The following EYS variants were observed in gnomAD, a reference collection of about 807,000 sequenced individuals.
EYS encodes the protein EGF-like photoreceptor maintenance factor, also known as protein eyes shut homolog.
A neutral mutation model predicts 282.1 loss-of-function variants in EYS; 250 were observed. The ratio of observed to expected loss-of-function variants is 0.89; its 90% CI spans 0.80 to 0.98. EYS has a LOEUF of 0.98. EYS is among the 50% of genes least tolerant of loss of function. EYS has a pLI of 0.00. For synonymous variants in EYS, 1,355 were observed against 1,282.9 expected (o/e 1.06, Z -1.20); for missense variants, 4,016 against 3,709.0 (o/e 1.08, Z -2.15).
chr6:64,537,348 T>G lies in EYS; in HGVS notation c.5644+52875A>C, dbSNP rs199742021. ...CAAAGGACATGAACTCATCATTTTT[T>G]ATGGCTGCATAGTATTCCATGGTGT... On this transcript the variant is annotated intron_variant, in intron 26 of 42. Coordinates refer to ENST00000503581, the MANE Select transcript of EYS (RefSeq NM_001142800.2). Among the ~76,000 whole-genome samples the G allele has an allele frequency of 1.4e-4, 22 of 151,892 alleles. No individual in the cohort carries two copies. The East Asian group carries it at 3.3e-3, about 23-fold the overall frequency.
intron 12 of EYS, among the ~76,000 whole-genome samples, chr6:65,269,620 A>G (rs1767845008): frequency 6.6e-6 from 1 of 152,156 alleles, no homozygotes; most frequent in African/African-American, 2.4e-5. Flanking sequence ...AGTACCATAT[A>G]CTAGGTGGCC....
chr6:65,117,700 T>C lies in EYS; in HGVS notation c.2024-59973A>G, dbSNP rs561770324. Among the ~76,000 whole-genome samples, 17 of 152,238 alleles carry C rather than the reference T, an allele frequency of 1.1e-4. No individual in the cohort carries two copies. The East Asian group carries it at 3.3e-3, about 29-fold the overall frequency. Reference sequence around the variant, plus strand: ...TTATGTTTATATGAAGAACTGCATGTTTAGGTTATTCAAGAAATAGGAAAA... The same window carrying C: ...TTATGTTTATATGAAGAACTGCATGCTTAGGTTATTCAAGAAATAGGAAAA... On this transcript the variant is annotated intron_variant, in intron 12 of 42. Coordinates refer to ENST00000503581, the MANE Select transcript of EYS (RefSeq NM_001142800.2).
chr6:65,612,304 C>A (rs1353641927), intron 2 of EYS, among the ~76,000 whole-genome samples: 2 of 151,172 alleles, frequency 1.3e-5, no homozygotes, highest in African/African-American at 4.9e-5. Flanking sequence ...AAAGATAATT[C>A]AGAGCTCATG....
intron 36 of EYS, among the ~76,000 whole-genome samples, chr6:63,844,168 C>T (rs1046408562): frequency 7.9e-5 from 12 of 152,094 alleles, no homozygotes; most frequent in Admixed American, 3.9e-4. Context: ...ATCCACGTCC[C>T]GGCAAAGGAC....
At chr6:64,266,740 T>C (rs1767771203) in intron 30 of EYS, among the ~76,000 whole-genome samples, 1 of 152,150 alleles carries the variant, frequency 6.6e-6, no homozygotes, top group African/African-American at 2.4e-5. Flanking sequence ...CACGTGTCTC[T>C]GAGGAGTCAC....
intron 12 of EYS, among the ~76,000 whole-genome samples, chr6:65,189,252 G>A (rs546937553): frequency 6.6e-6 from 1 of 151,720 alleles, no homozygotes; most frequent in East Asian, 2.0e-4. Flanking sequence ...ATATCTATAT[G>A]ATTAAACTAT....
intron 12 of EYS, among the ~76,000 whole-genome samples, chr6:65,218,005 T>G (rs113160447): frequency 6.6e-6 from 1 of 152,090 alleles, no homozygotes; most frequent in Non-Finnish European, 1.5e-5. Context: ...TGGTAACCTT[T>G]ACTGAGGATG....
chr6:65,303,685 T>G, intron 11 of EYS: 1 of 556,034 alleles, frequency 1.8e-6, no homozygotes, highest in Non-Finnish European at 3.0e-6. Context: ...CTTCAAAAAC[T>G]GATGATTCTA....
intron 2 of EYS, among the ~76,000 whole-genome samples, chr6:65,522,743 T>A (rs13208103): frequency 0.096 from 14,544 of 152,226 alleles, 900 homozygotes; most frequent in South Asian, 0.19. Flanking sequence ...AATTTGATCT[T>A]CCCTTATATT....
intron 2 of EYS, among the ~76,000 whole-genome samples, chr6:65,620,489 G>A (rs369082891): frequency 1.6e-4 from 24 of 151,220 alleles, no homozygotes; most frequent in African/African-American, 4.9e-4. Context: ...TTTGTTGATC[G>A]TTTCAAAAAA....
chr6:64,330,801 C>T (rs1561933918), intron 29 of EYS, among the ~76,000 whole-genome samples: 1 of 152,074 alleles, frequency 6.6e-6, no homozygotes, highest in Non-Finnish European at 1.5e-5. Flanking sequence ...ATATCAAGGA[C>T]TTTTTTGTGA....
intron 33 of EYS, among the ~76,000 whole-genome samples, chr6:64,002,744 C>T (rs1768155755): frequency 6.6e-6 from 1 of 152,122 alleles, no homozygotes; most frequent in Non-Finnish European, 1.5e-5. Context: ...CACTATGTTG[C>T]CCAGGCGGGT....
At chr6:65,489,157 C>T (rs1322153214) in intron 5 of EYS, among the ~76,000 whole-genome samples, 2 of 152,154 alleles carry the variant, frequency 1.3e-5, no homozygotes, top group Non-Finnish European at 2.9e-5. Context: ...AGCTTCCACA[C>T]AGCAAAAGAA....
intron 33 of EYS, among the ~76,000 whole-genome samples, chr6:64,036,438 A>T (rs1402598820): frequency 6.6e-6 from 1 of 152,230 alleles, no homozygotes; most frequent in South Asian, 2.1e-4. Context: ...TGTTCCAGAC[A>T]TTAGTGACAT....
chr6:64,320,795 A>T (rs967484739), intron 29 of EYS, among the ~76,000 whole-genome samples: 1 of 151,650 alleles, frequency 6.6e-6, no homozygotes, highest in Non-Finnish European at 1.5e-5. Flanking sequence ...ATTCTTCCAG[A>T]TTTTTCCCTG....
rs749763780 is a variant in EYS, at chr6:65,494,640, T to C, written c.748+23A>G. ...ACTGTGTTTCTCTATTTTAATAAAA[T>C]TATATATTTTAAACAATCTTACCTG... On this transcript the variant is annotated intron_variant, in intron 4 of 42. Coordinates refer to ENST00000503581, the MANE Select transcript of EYS (RefSeq NM_001142800.2). 5.3e-6 allele frequency: 8 copies of C among 1,521,636 alleles called. No individual in the cohort carries two copies. The South Asian group carries it at 9.7e-5, about 18-fold the overall frequency. 94.3% of individuals were successfully genotyped at this position (1,521,636 alleles called of 1,614,324 possible).
intron 36 of EYS, among the ~76,000 whole-genome samples, chr6:63,855,159 C>T (rs1474954873): frequency 6.6e-6 from 1 of 152,220 alleles, no homozygotes; most frequent in Non-Finnish European, 1.5e-5. Flanking sequence ...CAATAGAGTA[C>T]TGTGTAGTGA....
chr6:64,459,875 C>T (rs1775686177), intron 26 of EYS, among the ~76,000 whole-genome samples: 1 of 151,864 alleles, frequency 6.6e-6, no homozygotes, highest in African/African-American at 2.4e-5. Context: ...AAGAACAATA[C>T]TTTGCATCCT....
chr6:64,970,661 G>A (rs912802338), intron 14 of EYS, among the ~76,000 whole-genome samples: 4 of 152,134 alleles, frequency 2.6e-5, no homozygotes, highest in African/African-American at 9.7e-5. Flanking sequence ...AGTTCTTATA[G>A]ATTTTTCTTC....
Sources: gnomAD v4.1 joint callset for allele counts (sites outside exome capture counted in the v4.1 genomes callset) on GRCh38, gnomAD v4.1.1 for gene constraint, MANE v1.5 for transcripts, NCBI Gene and HGNC (gene_info 2026-07-23, HGNC 2026-07-21) for gene names.